PDCD1LG2: variants seen among roughly 807,000 people sequenced by gnomAD.
PDCD1LG2 encodes programmed cell death 1 ligand 2, also known as B7 dendritic cell molecule.
Under a neutral mutation model 28.2 loss-of-function variants are expected in PDCD1LG2, and 32 were observed. That is an observed-to-expected ratio of 1.13 (90% CI 0.86 to 1.52). PDCD1LG2 has a LOEUF of 1.52. Ranked by LOEUF, PDCD1LG2 falls within the 40% of genes most tolerant of loss-of-function variation. The pLI, the probability that PDCD1LG2 is intolerant of heterozygous loss-of-function variation, is 0.00. For missense variants in PDCD1LG2, 385 were observed against 323.8 expected, an observed-to-expected ratio of 1.19 and a Z score of -1.45; for synonymous variants, 116 against 120.2, an observed-to-expected ratio of 0.97 and a Z score of 0.23.
intron 4 of PDCD1LG2, among the ~76,000 whole-genome samples, chr9:5,554,532 G>A (rs946955887): frequency 7.9e-4 from 120 of 152,298 alleles, no homozygotes; most frequent in African/African-American, 2.8e-3. Context: ...AAACAAACAC[G>A]GAAACGAAGA....
chr9:5,537,623 C>A (rs1007385644), intron 3 of PDCD1LG2, among the ~76,000 whole-genome samples: 1 of 151,944 alleles, frequency 6.6e-6, no homozygotes, highest in Non-Finnish European at 1.5e-5. Flanking sequence ...GCAAACTATC[C>A]CAAGGACAAA....
chr9:5,548,862 A>C (rs1816264524), intron 3 of PDCD1LG2, among the ~76,000 whole-genome samples: 1 of 152,238 alleles, frequency 6.6e-6, no homozygotes, highest in Admixed American at 6.5e-5. Flanking sequence ...GATGTTTGGA[A>C]AAAATACCAA....
At chr9:5,568,761 G>C (rs1293024702) in intron 6 of PDCD1LG2, among the ~76,000 whole-genome samples, 4 of 152,214 alleles carry the variant, frequency 2.6e-5, no homozygotes, top group African/African-American at 4.8e-5. Flanking sequence ...CTATTAGCAA[G>C]AGGAGTCACT....
chr9:5,564,268 T>C (rs1006284847), intron 6 of PDCD1LG2, among the ~76,000 whole-genome samples: 2 of 152,238 alleles, frequency 1.3e-5, no homozygotes, highest in Non-Finnish European at 2.9e-5. Context: ...GGTTTTTGTT[T>C]AGTTCAGCAG....
intron 6 of PDCD1LG2, among the ~76,000 whole-genome samples, chr9:5,563,453 C>G (rs1257299244): frequency 1.3e-5 from 2 of 152,168 alleles, no homozygotes; most frequent in Non-Finnish European, 2.9e-5. Context: ...CCTCTGGTCT[C>G]ACATAGTTAG....
intron 2 of PDCD1LG2, among the ~76,000 whole-genome samples, chr9:5,528,250 CATATTTTATATATTATATAT>C (rs930387471): frequency 1.9e-4 from 28 of 147,390 alleles, no homozygotes; most frequent in Admixed American, 6.1e-4. Flanking sequence ...ATATAATATA[CATATTTTATATATTATATAT>C]ATATTTTATA....
At chr9:5,517,781 C>CAATA (rs1820196068) in intron 1 of PDCD1LG2, among the ~76,000 whole-genome samples, 1 of 151,910 alleles carries the variant, frequency 6.6e-6, no homozygotes, top group South Asian at 2.1e-4. Flanking sequence ...AAGGAAGGGC[C>CAATA]AATAGGGTTG....
At chr9:5,525,446 A>G (rs1254090831) in intron 2 of PDCD1LG2, among the ~76,000 whole-genome samples, 2 of 151,708 alleles carry the variant, frequency 1.3e-5, no homozygotes, top group East Asian at 3.8e-4. Context: ...TTCCAGGAGT[A>G]GGTCTAGAAG....
chr9:5,549,384 T>G lies in PDCD1LG2; in HGVS notation c.411T>G (p.Asp137Glu). Residue 137 changes from aspartate to glutamate, a missense_variant, in exon 4 of 7, where the codon GAT (aspartate) becomes GAG (glutamate). Physicochemically the swap from Asp to Glu is conservative, Grantham distance 45 (BLOSUM62 2). Coordinates refer to ENST00000397747, the MANE Select transcript of PDCD1LG2 (RefSeq NM_025239.4). ...ACATCCTAAAGGTTCCAGAAACAGATGAGGTAGAGCTCACCTGCCAGGCTA... is the reference window on the plus strand; with the variant it reads ...ACATCCTAAAGGTTCCAGAAACAGAGGAGGTAGAGCTCACCTGCCAGGCTA... ...NTHILKVPETDEVELTCQATG... is the reference protein window; with the variant it reads ...NTHILKVPETEEVELTCQATG... 6.2e-7 allele frequency: 1 copy of G among 1,614,132 alleles called. No homozygotes were observed.
At chr9:5,536,088 G>A (rs1355098332) in intron 3 of PDCD1LG2, among the ~76,000 whole-genome samples, 1 of 152,170 alleles carries the variant, frequency 6.6e-6, no homozygotes, top group Non-Finnish European at 1.5e-5. Context: ...TTGGCAGAAA[G>A]TGTGTGACTT....
intron 1 of PDCD1LG2, among the ~76,000 whole-genome samples, chr9:5,516,962 C>G (rs1034705212): frequency 6.6e-6 from 1 of 152,188 alleles, no homozygotes; most frequent in Non-Finnish European, 1.5e-5. Context: ...ATGCGGTTCC[C>G]ACCCCGCCAA....
intron 3 of PDCD1LG2, among the ~76,000 whole-genome samples, chr9:5,544,741 C>T (rs111951084): frequency 1.4e-5 from 1 of 71,564 alleles, no homozygotes; most frequent in Admixed American, 1.6e-4. Flanking sequence ...TGGCTGATGG[C>T]CTCAGTCAAC....
intron 5 of PDCD1LG2, among the ~76,000 whole-genome samples, chr9:5,560,798 C>G (rs1816543435): frequency 6.6e-6 from 1 of 152,144 alleles, no homozygotes; most frequent in Non-Finnish European, 1.5e-5. Flanking sequence ...ACCTATACCT[C>G]AGTGACTAGC....
At chr9:5,515,748 T>A (rs1586789342) in intron 1 of PDCD1LG2, among the ~76,000 whole-genome samples, 1 of 151,068 alleles carries the variant, frequency 6.6e-6, no homozygotes, top group Admixed American at 6.6e-5. Flanking sequence ...ATGGTGAAAC[T>A]CCATCTCTAC....
At chr9:5,553,532 A>G (rs1257994840) in intron 4 of PDCD1LG2, among the ~76,000 whole-genome samples, 2 of 152,196 alleles carry the variant, frequency 1.3e-5, no homozygotes, top group Non-Finnish European at 2.9e-5. Context: ...ATGAATTGAG[A>G]AATAACTTTA....
At chr9:5,559,128 C>G (rs555252971) in intron 5 of PDCD1LG2, among the ~76,000 whole-genome samples, 62 of 152,284 alleles carry the variant, frequency 4.1e-4, no homozygotes, top group African/African-American at 1.5e-3. Flanking sequence ...GGAATGGAGT[C>G]ACACTCAAAG....
At chr9:5,564,070 G>C (rs1470995033) in intron 6 of PDCD1LG2, among the ~76,000 whole-genome samples, 2 of 152,150 alleles carry the variant, frequency 1.3e-5, no homozygotes, top group African/African-American at 4.8e-5. Flanking sequence ...AGAGATGAGG[G>C]GGGCAGTCTT....
At chr9:5,545,377 G>A (rs1006810849) in intron 3 of PDCD1LG2, among the ~76,000 whole-genome samples, 6 of 152,240 alleles carry the variant, frequency 3.9e-5, no homozygotes, top group African/African-American at 1.4e-4. Flanking sequence ...ATTTTGCTTG[G>A]CATGAAGAAA....
chr9:5,557,358 T>C (rs565587682), intron 4 of PDCD1LG2, among the ~76,000 whole-genome samples: 9 of 152,342 alleles, frequency 5.9e-5, no homozygotes, highest in Admixed American at 3.9e-4. Flanking sequence ...ACTTACTATG[T>C]AACTTAGGGA....
Sources: allele counts gnomAD v4.1 joint callset (sites outside exome capture counted in the v4.1 genomes callset), GRCh38; gene constraint gnomAD v4.1.1; transcripts MANE v1.5; gene names NCBI Gene and HGNC (gene_info 2026-07-23, HGNC 2026-07-21).